ACP6: variants seen among roughly 807,000 people sequenced by gnomAD.
ACP6 encodes the protein acid phosphatase 6, lysophosphatidic, also known as lysophosphatidic acid phosphatase type 6.
ACP6 carries 48 observed loss-of-function variants against 48.1 expected under a neutral mutation model. The observed-to-expected ratio is 1.00, with a 90% CI of 0.79 to 1.27. The LOEUF is 1.27. Among genes scored for constraint, ACP6 ranks in the 50% most tolerant of loss-of-function variants. The probability of loss-of-function intolerance (pLI) is 0.00; values close to 1 mark genes in which losing one functional copy is unlikely to be tolerated. For missense variants in ACP6, 485 were observed against 529.1 expected (o/e 0.92, Z 0.82); for synonymous variants, 172 against 204.2 (o/e 0.84, Z 1.34).
chr1:147,640,087 G>GT (rs782448614), downstream of ACP6, among the ~76,000 whole-genome samples: 26 of 152,080 alleles, frequency 1.7e-4, no homozygotes, highest in Non-Finnish European at 3.2e-4. Context: ...TTCAAAACTT[G>GT]TATCTGAGGA....
intron 5 of ACP6, among the ~76,000 whole-genome samples, chr1:147,633,961 G>A (rs1159469818): frequency 1.3e-5 from 2 of 151,912 alleles, no homozygotes; most frequent in Non-Finnish European, 2.9e-5. Context: ...AATCATAATC[G>A]CCATCCATCT....
intron 9 of ACP6, 92 bp downstream of exon 9, chr1:147,648,154 G>A (rs1659722029): frequency 6.9e-7 from 1 of 1,450,422 alleles, no homozygotes; most frequent in African/African-American, 1.4e-5. Flanking sequence ...GACTCCACTG[G>A]GCCTGAGGAG....
chr1:147,670,235 G>GA lies in ACP6; in HGVS notation c.-188dup, dbSNP rs1417096619. 5.3e-6 allele frequency: 3 copies of GA among 570,986 alleles called. No individual in the cohort carries two copies. The highest frequency in any genetic ancestry group is 1.9e-5 in the African/African-American group (1 of 53,142). The allele number at this position is 570,986 out of a possible 1,614,324, so 35.4% of individuals were successfully genotyped here. ...AGGGAGACCCCGAGTGGGAACGGGG[G>GA]AGAGAACAAGAGGTGGCAGCAGCGA... On this transcript the variant is annotated 5_prime_UTR_variant, in exon 1 of 10. Coordinates refer to ENST00000583509, the MANE Select transcript of ACP6 (RefSeq NM_016361.5).
intron 1 of ACP6, among the ~76,000 whole-genome samples, chr1:147,664,778 AC>A (rs1312707123): frequency 4.6e-5 from 7 of 152,218 alleles, no homozygotes; most frequent in Admixed American, 2.6e-4. Flanking sequence ...TGACAGCAAT[AC>A]CATAATAGAA....
rs1371072605 is a variant in ACP6 at position 147,645,718 on chromosome 1, G to A, written c.*1705C>T. The stretch of plus-strand genomic sequence containing the variant: ...ATACTTAATTGTAGCTGGTTCATGA[G>A]AGAACTGGAAGGGAAGAATTAGAGG... On this transcript the variant is annotated 3_prime_UTR_variant, in exon 10 of 10. Coordinates refer to ENST00000583509, the MANE Select transcript of ACP6 (RefSeq NM_016361.5). 6.6e-6 allele frequency: 1 copy of A among 152,214 alleles called. No homozygotes were observed. The highest frequency in any genetic ancestry group is 1.5e-5 in the Non-Finnish European group (1 of 68,042). 9.4% of individuals were successfully genotyped at this position (152,214 alleles called of 1,614,324 possible).
At chr1:147,655,309 C>T in intron 4 of ACP6, 61 bp from the exon 5 acceptor site, 1 of 1,206,968 alleles carries the variant, frequency 8.3e-7, no homozygotes, top group East Asian at 2.5e-5. Flanking sequence ...CCCAGCATCT[C>T]CACCCCCTTC....
Position 147,654,158 on chromosome 1 carries a change from G to T in ACP6, c.780+36C>A, listed in dbSNP as rs782360313. On this transcript the variant is annotated intron_variant, in intron 6 of 9. Transcript: ENST00000583509. ...TCTAACTCCGGAGCCAGCCCACCAAGGCTATTATCCCAGGCTCCCCAACCC... is the reference window on the plus strand; with the variant it reads ...TCTAACTCCGGAGCCAGCCCACCAATGCTATTATCCCAGGCTCCCCAACCC... 1.6e-5 allele frequency: 26 copies of T among 1,606,424 alleles called. No homozygotes were observed. In the South Asian group the frequency reaches 2.8e-4, roughly 17 times the overall value.
intron 5 of ACP6, 45 bp from the exon 6 acceptor site, chr1:147,654,371 A>G (rs781895444): frequency 7.5e-6 from 12 of 1,601,806 alleles, no homozygotes; most frequent in South Asian, 6.7e-5. Context: ...ATAGTGATTA[A>G]CAGTTTACAA....
chr1:147,633,598 C>T (rs1449432235), intron 5 of ACP6, among the ~76,000 whole-genome samples: 8 of 151,490 alleles, frequency 5.3e-5, no homozygotes, highest in Non-Finnish European at 1.0e-4. Context: ...GTCATCACTC[C>T]TAATCCTGTG....
At position 147,647,558 on chromosome 1, in the gene ACP6, C is replaced by T; in HGVS notation, c.1152G>A (p.Val384=). 1 of 1,612,616 alleles carries T rather than the reference C, an allele frequency of 6.2e-7. No homozygotes were observed. Among genetic ancestry groups the T allele is most frequent in the Non-Finnish European group, 8.5e-7 (1 of 1,179,856 alleles). The change falls in exon 10 of 10, where the codon GTG becomes GTA. Residue 384 remains valine, a synonymous_variant. Transcript: ENST00000583509. ...AGAGCCCATCAGGGCAACCTCTCGG[C>T]ACCTGCTCCTGCAGAAGAAACATAA... The part of the protein sequence containing the change: ...VQLYYHGKEQ[V]PRGCPDGLCP...
At chr1:147,668,704 C>T (rs1570987709) in intron 1 of ACP6, among the ~76,000 whole-genome samples, 1 of 151,894 alleles carries the variant, frequency 6.6e-6, no homozygotes, top group Non-Finnish European at 1.5e-5. Flanking sequence ...AAGAAGAAAT[C>T]CCGGTTCCAG....
intron 6 of ACP6, among the ~76,000 whole-genome samples, chr1:147,653,967 T>C (rs1191653250): frequency 1.3e-5 from 2 of 152,188 alleles, no homozygotes; most frequent in Non-Finnish European, 2.9e-5. Flanking sequence ...CTGGGGAACA[T>C]GCCTCAAGAA....
chr1:147,658,880 C>T (rs1204514086), intron 4 of ACP6, 80 bp downstream of exon 4: 4 of 1,364,136 alleles, frequency 2.9e-6, no homozygotes, highest in African/African-American at 2.9e-5. Flanking sequence ...GGAACAGGCA[C>T]CAAGAAAGAG....
rs144678070 is a variant in ACP6, at chr1:147,644,647, G to A, written c.*2776C>T. On this transcript the variant is annotated 3_prime_UTR_variant, in exon 10 of 10. Coordinates refer to ENST00000583509, the MANE Select transcript of ACP6 (RefSeq NM_016361.5). Reference sequence around the variant, plus strand: ...GTCAATTCTGGATATAGTTTGAAGAGAGATACAACAGGAGTTACTGATGTA... The same window carrying A: ...GTCAATTCTGGATATAGTTTGAAGAAAGATACAACAGGAGTTACTGATGTA... 1.8e-4 allele frequency: 28 copies of A among 152,352 alleles called. No individual in the cohort carries two copies. In the East Asian group the frequency reaches 5.0e-3, roughly 27 times the overall value. 9.4% of individuals were successfully genotyped at this position (152,352 alleles called of 1,614,324 possible).
intron 3 of ACP6, 144 bp from the exon 4 acceptor site, chr1:147,659,183 G>T: frequency 9.4e-7 from 1 of 1,061,376 alleles, no homozygotes; most frequent in Non-Finnish European, 1.3e-6. Context: ...ACTTTTCTGT[G>T]GGATGTCAGC....
chr1:147,664,686 G>A (rs782820815), intron 1 of ACP6, among the ~76,000 whole-genome samples: 1 of 152,188 alleles, frequency 6.6e-6, no homozygotes, highest in Non-Finnish European at 1.5e-5. Flanking sequence ...TCCTGTGGAA[G>A]ATACCCATCT....
Position 147,647,251 on chromosome 1 carries a change from C to T in ACP6, c.*172G>A. The T allele has an allele frequency of 4.0e-6, 3 of 750,814 alleles. No individual in the cohort carries two copies. The highest frequency in any genetic ancestry group is 6.0e-5 in the Admixed American group (2 of 33,460). 46.5% of individuals were successfully genotyped at this position (750,814 alleles called of 1,614,324 possible). On this transcript the variant is annotated 3_prime_UTR_variant, in exon 10 of 10. Transcript: ENST00000583509. ...ATATCCTTTTGGTCTCAATATTATA[C>T]CCCTTTTCCGTTCAGGAAGAAATCT... is the stretch of plus-strand genomic sequence containing the variant.
At chr1:147,656,440 C>T (rs1660263216) in intron 4 of ACP6, among the ~76,000 whole-genome samples, 1 of 152,182 alleles carries the variant, frequency 6.6e-6, no homozygotes, top group Non-Finnish European at 1.5e-5. Context: ...TCTGTGCTTC[C>T]TCAGACCCCT....
At chr1:147,655,305 A>G (rs1553211426) in intron 4 of ACP6, 57 bp from the exon 5 acceptor site, 36 of 1,248,958 alleles carry the variant, frequency 2.9e-5, no homozygotes. Context: ...TCTTCCCAGC[A>G]TCTCCACCCC....
Sources: gnomAD v4.1 joint callset for allele counts (sites outside exome capture counted in the v4.1 genomes callset) on GRCh38, gnomAD v4.1.1 for gene constraint, MANE v1.5 for transcripts, NCBI Gene and HGNC (gene_info 2026-07-23, HGNC 2026-07-21) for gene names.